The following IGSF10 variants were observed in gnomAD, a reference collection of about 807,000 sequenced individuals.
The protein encoded by IGSF10 is calvaria mechanical force protein 608.
A neutral mutation model predicts 128.2 loss-of-function variants in IGSF10; 126 were observed. The ratio of observed to expected loss-of-function variants is 0.98; its 90% CI spans 0.85 to 1.14. The LOEUF is 1.14. IGSF10 is among the 50% of genes most tolerant of loss of function. The pLI is 0.00. For synonymous variants in IGSF10, 1,185 were observed against 1,146.2 expected (o/e 1.03, Z -0.68); for missense variants, 3,295 against 3,149.8 (o/e 1.05, Z -1.10).
the IGSF10 span, among the ~76,000 whole-genome samples, chr3:151,594,692 A>T: frequency 6.6e-6 from 1 of 151,364 alleles, no homozygotes; most frequent in Non-Finnish European, 1.5e-5. Context: ...ATGTCTACCA[A>T]ATTTGAGTTT....
chr3:151,574,285 T>C, the IGSF10 span, among the ~76,000 whole-genome samples: 1 of 152,328 alleles, frequency 6.6e-6, no homozygotes, highest in African/African-American at 2.4e-5. Context: ...TTGGGGAAGT[T>C]CTCCTGGATA....
the IGSF10 span, among the ~76,000 whole-genome samples, chr3:151,534,570 G>A: frequency 6.9e-6 from 1 of 145,504 alleles, no homozygotes; most frequent in Non-Finnish European, 1.5e-5. Flanking sequence ...AACCAAACAA[G>A]TTTCTGTTCT....
At chr3:151,472,678 T>C in the IGSF10 span, among the ~76,000 whole-genome samples, 8 of 152,162 alleles carry the variant, frequency 5.3e-5, no homozygotes, top group African/African-American at 1.7e-4. Context: ...CTCATGCTTC[T>C]CCTGCTCTCT....
the IGSF10 span, among the ~76,000 whole-genome samples, chr3:151,552,563 G>T: frequency 6.6e-6 from 1 of 152,112 alleles, no homozygotes; most frequent in Non-Finnish European, 1.5e-5. Flanking sequence ...TGGCAGTGAG[G>T]GTCCGAGGAG....
At chr3:151,434,114 TC>T (rs749565295), downstream of IGSF10, 12 of 152,506 alleles carry the variant, frequency 7.9e-5, no homozygotes, top group Non-Finnish European at 7.3e-5. Context: ...GGGGATATTT[TC>T]CCATGTTCTC....
At position 151,445,809 on chromosome 3, in the gene IGSF10, G is replaced by A. The variant is rs776666686; in HGVS notation, c.4172C>T (p.Ser1391Phe). 72 of 1,614,138 alleles carry A rather than the reference G, an allele frequency of 4.5e-5. No homozygotes were observed. Among genetic ancestry groups the A allele is most frequent in the Non-Finnish European group, 5.9e-5 (70 of 1,180,058 alleles). ...TAETSVKPSV[S>F]AFTHSPPENT... ...TTCTGGTGGGGAATGAGTGAATGCA[G>A]AGACACTGGGCTTGACTGAAGTTTC... Residue 1391 changes from serine (S) to phenylalanine (F), a missense_variant, in exon 6 of 8, where the codon TCT (serine) becomes TTT (phenylalanine). Coordinates refer to ENST00000282466, the MANE Select transcript of IGSF10 (RefSeq NM_178822.5).
the IGSF10 span, among the ~76,000 whole-genome samples, chr3:151,505,441 T>G: frequency 6.6e-6 from 1 of 152,182 alleles, no homozygotes; most frequent in Non-Finnish European, 1.5e-5. Flanking sequence ...ATGGGAACAA[T>G]TCAATGAGAT....
the IGSF10 span, among the ~76,000 whole-genome samples, chr3:151,554,560 A>G: frequency 1.3e-5 from 2 of 152,144 alleles, no homozygotes; most frequent in African/African-American, 4.8e-5. Context: ...CATTTTGTTC[A>G]TATAAAATCT....
the IGSF10 span, among the ~76,000 whole-genome samples, chr3:151,615,057 A>G: frequency 6.6e-6 from 1 of 152,082 alleles, no homozygotes; most frequent in Non-Finnish European, 1.5e-5. Context: ...GGTCAGAAAA[A>G]TTTTAATGCC....
intron 6 of IGSF10, 132 bp from the exon 7 acceptor site, chr3:151,444,016 A>G (rs1721033433): frequency 2.8e-6 from 2 of 705,112 alleles, no homozygotes; most frequent in Non-Finnish European, 4.6e-6. Flanking sequence ...GCTCACTTGT[A>G]TAATCCCAAC....
At chr3:151,524,535 C>T in the IGSF10 span, among the ~76,000 whole-genome samples, 38 of 152,166 alleles carry the variant, frequency 2.5e-4, no homozygotes, top group East Asian at 5.2e-3. Context: ...GAACAGAAAA[C>T]GAAATACCAC....
chr3:151,579,911 G>GAAGT, the IGSF10 span, among the ~76,000 whole-genome samples: 1 of 151,626 alleles, frequency 6.6e-6, no homozygotes, highest in South Asian at 2.1e-4. Context: ...AGGAAGGAAG[G>GAAGT]AAGGAAGGGC....
At chr3:151,588,657 A>G in the IGSF10 span, among the ~76,000 whole-genome samples, 1 of 152,218 alleles carries the variant, frequency 6.6e-6, no homozygotes, top group Non-Finnish European at 1.5e-5. Context: ...TGCATTTGGT[A>G]AATATTAACT....
chr3:151,451,900 A>G (rs1721527628), intron 5 of IGSF10, among the ~76,000 whole-genome samples: 1 of 152,332 alleles, frequency 6.6e-6, no homozygotes, highest in Middle Eastern at 3.4e-3. Flanking sequence ...TTTTATAGAA[A>G]TGCTGCATCA....
At chr3:151,567,093 G>T in the IGSF10 span, among the ~76,000 whole-genome samples, 1 of 152,200 alleles carries the variant, frequency 6.6e-6, no homozygotes, top group Non-Finnish European at 1.5e-5. Context: ...AAGTAAATGG[G>T]TCTGTAGACT....
the IGSF10 span, among the ~76,000 whole-genome samples, chr3:151,520,023 C>T: frequency 2.0e-5 from 3 of 151,448 alleles, no homozygotes; most frequent in African/African-American, 7.3e-5. Context: ...TCTTCTAATC[C>T]AACTTTTGGT....
the IGSF10 span, among the ~76,000 whole-genome samples, chr3:151,613,229 G>A: frequency 5.3e-5 from 8 of 152,088 alleles, no homozygotes; most frequent in African/African-American, 1.7e-4. Context: ...AATCAATATC[G>A]TGAAAATGGC....
the IGSF10 span, among the ~76,000 whole-genome samples, chr3:151,618,260 C>T: frequency 6.6e-6 from 1 of 152,070 alleles, no homozygotes; most frequent in Non-Finnish European, 1.5e-5. Flanking sequence ...GCACCTTGCT[C>T]TTGGACATCT....
chr3:151,454,006 T>C (rs539306166), intron 4 of IGSF10, among the ~76,000 whole-genome samples: 1 of 136,430 alleles, frequency 7.3e-6, no homozygotes, highest in South Asian at 2.4e-4. Flanking sequence ...TATATATTTC[T>C]TTTTTTCTTT....
Sources: gnomAD v4.1 joint callset for allele counts (sites outside exome capture counted in the v4.1 genomes callset) on GRCh38, gnomAD v4.1.1 for gene constraint, MANE v1.5 for transcripts, NCBI Gene and HGNC (gene_info 2026-07-23, HGNC 2026-07-21) for gene names.